The following RELN variants were observed in gnomAD, a reference collection of about 807,000 sequenced individuals.
The protein encoded by RELN is reelin.
In RELN, 108 loss-of-function variants were observed where a neutral mutation model predicts 427.6. The observed-to-expected ratio is 0.25, with a 90% CI of 0.22 to 0.30. RELN has a LOEUF of 0.30. Ranked by LOEUF, RELN falls within the 10% of genes least tolerant of loss-of-function variation. The probability of loss-of-function intolerance (pLI) is 1.00; values close to 1 mark genes in which losing one functional copy is unlikely to be tolerated. For missense variants in RELN, 3,715 were observed against 4,302.8 expected (o/e 0.86, Z 3.82); for synonymous variants, 1,524 against 1,513.4 (o/e 1.01, Z -0.16).
chr7:103,710,905 G>A (rs1388531120), intron 8 of RELN, among the ~76,000 whole-genome samples: 2 of 152,180 alleles, frequency 1.3e-5, no homozygotes, highest in Admixed American at 6.5e-5. Context: ...TTAGCTGGGT[G>A]TGGTGGCCCA....
intron 20 of RELN, among the ~76,000 whole-genome samples, 199 bp downstream of exon 20, chr7:103,629,741 G>T (rs1832409997): frequency 6.6e-6 from 1 of 151,940 alleles, no homozygotes. Flanking sequence ...AGTCCTACAA[G>T]ACATTTTACT....
chr7:103,749,624 G>A, intron 5 of RELN, 120 bp from the exon 6 acceptor site: 1 of 756,166 alleles, frequency 1.3e-6, no homozygotes, highest in South Asian at 1.5e-5. Flanking sequence ...AATTTTAAAT[G>A]AGCAGTTGAT....
intron 2 of RELN, among the ~76,000 whole-genome samples, chr7:103,852,332 T>C (rs950959641): frequency 6.6e-6 from 1 of 152,162 alleles, no homozygotes; most frequent in Non-Finnish European, 1.5e-5. Context: ...GAATGTAAGC[T>C]GTATAGTAGT....
chr7:103,672,563 C>G (rs898892087), intron 11 of RELN, among the ~76,000 whole-genome samples: 1 of 152,142 alleles, frequency 6.6e-6, no homozygotes, highest in Admixed American at 6.6e-5. Context: ...TAGTACATCT[C>G]TTTTAACAGC....
At chr7:103,975,336 G>C (rs1401719570) in intron 1 of RELN, among the ~76,000 whole-genome samples, 1 of 152,146 alleles carries the variant, frequency 6.6e-6, no homozygotes, top group African/African-American at 2.4e-5. Context: ...ACTAGGAATA[G>C]AAGCAAAACA....
rs1438440938 is a variant in RELN, at chr7:103,603,100, A to AT, written c.3333+203dup. The stretch of plus-strand genomic sequence containing the variant: ...AGAAGTTTTAAACTGGCTTAACCTG[A>AT]TTTTTTAGTAACCAAAAAGAGTAAT... On this transcript the variant is annotated intron_variant, in intron 24 of 64. Coordinates refer to ENST00000428762, the MANE Select transcript of RELN (RefSeq NM_005045.4). This position sits in a 1 kb window ranked among gnomAD's most constrained non-coding sequence, Gnocchi z 4.3. Among the ~76,000 whole-genome samples the AT allele has an allele frequency of 7.2e-5, 11 of 152,350 alleles. No homozygotes were observed. The East Asian group carries it at 1.7e-3, about 24-fold the overall frequency.
intron 29 of RELN, among the ~76,000 whole-genome samples, chr7:103,575,103 G>C (rs1830968899): frequency 6.6e-6 from 1 of 152,190 alleles, no homozygotes; most frequent in African/African-American, 2.4e-5. Context: ...ATGACTGCCA[G>C]GGTTTGATAC....
chr7:103,761,632 G>A (rs78158262), intron 4 of RELN, among the ~76,000 whole-genome samples: 6 of 151,476 alleles, frequency 4.0e-5, no homozygotes, highest in African/African-American at 9.7e-5. Flanking sequence ...TTTTTTTGGG[G>A]GGGGGTAGAG....
intron 6 of RELN, among the ~76,000 whole-genome samples, chr7:103,743,590 C>G (rs1239373078): frequency 6.6e-6 from 1 of 151,674 alleles, no homozygotes; most frequent in Non-Finnish European, 1.5e-5. Flanking sequence ...AATGGAAAAC[C>G]AAAAAAGGCA....
chr7:103,750,352 C>T (rs911857003), intron 5 of RELN, among the ~76,000 whole-genome samples: 1 of 152,136 alleles, frequency 6.6e-6, no homozygotes, highest in Non-Finnish European at 1.5e-5. Context: ...TGAAGAAGGA[C>T]GTGTTTGCTT....
In RELN at chr7:103,764,271, A is replaced by G. The variant is rs61389809; in HGVS notation, c.545-11057T>C. ...CCTTATGATGTTCCTTCTGGGCACA[A>G]AATATTGTACCAGGCTCTTGGGAAT... On this transcript the variant is annotated intron_variant, in intron 4 of 64. Transcript: ENST00000428762. Among the ~76,000 whole-genome samples the G allele has an allele frequency of 9.1e-3, 1,391 of 152,288 alleles. 24 individuals carry two copies. Among genetic ancestry groups the G allele is most frequent in the African/African-American group, 0.032 (1,323 of 41,550 alleles).
chr7:103,983,489 C>A (rs567003816), intron 1 of RELN, among the ~76,000 whole-genome samples: 1 of 152,140 alleles, frequency 6.6e-6, no homozygotes, highest in Non-Finnish European at 1.5e-5. Context: ...ACAATTCCTG[C>A]GTTTGAACAG....
intron 1 of RELN, among the ~76,000 whole-genome samples, chr7:103,937,769 A>C (rs1796018538): frequency 6.6e-6 from 1 of 152,204 alleles, no homozygotes; most frequent in East Asian, 1.9e-4. Context: ...TAAAACAAAT[A>C]TGTTAAAATG....
At chr7:103,891,204 T>C (rs1686466483) in intron 2 of RELN, among the ~76,000 whole-genome samples, 2 of 152,184 alleles carry the variant, frequency 1.3e-5, no homozygotes, top group Non-Finnish European at 2.9e-5. Flanking sequence ...AAAGTCTTCC[T>C]CACCCATTCT....
chr7:103,739,680 A>T (rs977901339), intron 6 of RELN, among the ~76,000 whole-genome samples: 3 of 152,178 alleles, frequency 2.0e-5, no homozygotes, highest in Admixed American at 6.5e-5. Context: ...TTCACTTCAA[A>T]CTTCACTTCT....
At chr7:103,692,562 A>G (rs531579976) in intron 10 of RELN, among the ~76,000 whole-genome samples, 2 of 152,176 alleles carry the variant, frequency 1.3e-5, no homozygotes, top group African/African-American at 4.8e-5. Context: ...GGAGACCTAC[A>G]TTGGAGGTGA....
At chr7:103,663,365 G>A (rs938436877) in intron 11 of RELN, among the ~76,000 whole-genome samples, 1 of 152,154 alleles carries the variant, frequency 6.6e-6, no homozygotes. Flanking sequence ...GTTGAGCGAT[G>A]GCGGGATTAA....
rs362693 is a variant in RELN, at chr7:103,611,497, C to T, written c.2895+114G>A. ...TCTAAGTTACAAATATTAAATAACA[C>T]TGTTTCTTTTCAACCAAACCTAAAC... On this transcript the variant is annotated intron_variant, in intron 21 of 64. Transcript: ENST00000428762. The T allele has an allele frequency of 2.9e-4, 224 of 780,082 alleles. No homozygotes were observed. The African/African-American group carries it at 3.1e-3, about 11-fold the overall frequency. 48.3% of individuals were successfully genotyped at this position (780,082 alleles called of 1,614,324 possible).
At chr7:103,707,213 A>T (rs931910920) in intron 8 of RELN, among the ~76,000 whole-genome samples, 2 of 152,160 alleles carry the variant, frequency 1.3e-5, no homozygotes, top group Non-Finnish European at 2.9e-5. Flanking sequence ...ACCCAGATCA[A>T]TGTGAGACCC....
Sources: gnomAD v4.1 joint callset for allele counts (sites outside exome capture counted in the v4.1 genomes callset) on GRCh38, gnomAD v4.1.1 for gene constraint, Gnocchi (gnomAD v3.1) non-coding constraint, MANE v1.5 for transcripts, NCBI Gene and HGNC (gene_info 2026-07-23, HGNC 2026-07-21) for gene names.